Variants in SVEP1 observed in about 807,000 individuals in gnomAD.
SVEP1 encodes sushi, von Willebrand factor type A, EGF and pentraxin domain-containing protein 1.
Under a neutral mutation model 367.3 loss-of-function variants are expected in SVEP1, and 164 were observed. That is an observed-to-expected ratio of 0.45 (90% CI 0.39 to 0.51). SVEP1 has a LOEUF of 0.51. SVEP1 is among the 20% of genes least tolerant of loss of function. SVEP1 has a pLI of 0.00. For missense variants in SVEP1, 4,117 were observed against 4,425.3 expected, an observed-to-expected ratio of 0.93 and a Z score of 1.98; for synonymous variants, 1,666 against 1,611.6, an observed-to-expected ratio of 1.03 and a Z score of -0.81.
At chr9:110,578,364 A>AG (rs200623618) in intron 1 of SVEP1, among the ~76,000 whole-genome samples, 3 of 115,394 alleles carry the variant, frequency 2.6e-5, no homozygotes, top group Non-Finnish European at 3.8e-5. Context: ...ATGAAATTTT[A>AG]GGGTTTTTTT....
intron 12 of SVEP1, 50 bp downstream of exon 12, chr9:110,481,192 T>C: frequency 7.7e-7 from 1 of 1,293,144 alleles, no homozygotes. Flanking sequence ...CTTAGAAATG[T>C]ACACACATTC....
intron 3 of SVEP1, among the ~76,000 whole-genome samples, chr9:110,517,187 T>C (rs1193662533): frequency 6.6e-6 from 1 of 152,166 alleles, no homozygotes; most frequent in African/African-American, 2.4e-5. Context: ...TGTCCAGGCA[T>C]GGTGGCTCAC....
At chr9:110,549,716 A>T (rs2118849833) in intron 2 of SVEP1, 133 bp downstream of exon 2, 7 of 1,153,132 alleles carry the variant, frequency 6.1e-6, no homozygotes, top group Non-Finnish European at 8.5e-6. Context: ...ATGATGCCCA[A>T]AGGACACATG....
At chr9:110,557,611 G>C (rs79760295) in intron 1 of SVEP1, among the ~76,000 whole-genome samples, 12,141 of 151,852 alleles carry the variant, frequency 0.08, 514 homozygotes, top group Non-Finnish European at 0.099. Flanking sequence ...GCCAGATAGA[G>C]TTGTGGATTT....
At chr9:110,383,907 C>T (rs1164845626) in intron 43 of SVEP1, among the ~76,000 whole-genome samples, 1 of 151,924 alleles carries the variant, frequency 6.6e-6, no homozygotes, top group Non-Finnish European at 1.5e-5. Context: ...TGCTGTGCTG[C>T]ACTATGGGGA....
chr9:110,439,003 A>T (rs1015054281), intron 27 of SVEP1, among the ~76,000 whole-genome samples: 1 of 152,144 alleles, frequency 6.6e-6, no homozygotes, highest in African/African-American at 2.4e-5. Context: ...TCCGTTTTTT[A>T]GAATTCTTAC....
At chr9:110,395,273 A>C (rs1196896700) in intron 40 of SVEP1, among the ~76,000 whole-genome samples, 3 of 152,218 alleles carry the variant, frequency 2.0e-5, no homozygotes, top group Non-Finnish European at 4.4e-5. Flanking sequence ...GTGAAGGAGA[A>C]ATAAAATCCT....
intron 3 of SVEP1, among the ~76,000 whole-genome samples, chr9:110,534,373 G>T (rs1830055822): frequency 6.6e-6 from 1 of 152,062 alleles, no homozygotes; most frequent in Non-Finnish European, 1.5e-5. Context: ...CCTTTTCATG[G>T]CTGCATAGTA....
At position 110,572,110 on chromosome 9, in the gene SVEP1, T is replaced by G. The variant is rs944525282; in HGVS notation, c.531+6903A>C. 7.4e-5 allele frequency among the ~76,000 whole-genome samples: 6 copies of G among 81,250 alleles called. No homozygotes were observed. The Admixed American group carries it at 8.7e-4, about 12-fold the overall frequency. 53.3% of individuals were successfully genotyped at this position (81,250 alleles called of 152,430 possible). A position where few individuals can be genotyped will look rare whatever the true frequency, so the allele number is the denominator to read the frequency against. On this transcript the variant is annotated intron_variant, in intron 1 of 47. Coordinates refer to ENST00000374469, the MANE Select transcript of SVEP1 (RefSeq NM_153366.4). ...TACCTCCAAAGGTAATATAGTAAGA[T>G]ATAGGAAAAGAGGGGCACAAAAAGA...
intron 43 of SVEP1, among the ~76,000 whole-genome samples, chr9:110,381,108 T>C (rs1827427635): frequency 6.6e-6 from 1 of 152,060 alleles, no homozygotes; most frequent in Middle Eastern, 3.4e-3. Context: ...TCTTCCCTTT[T>C]TTTAATTAGC....
intron 17 of SVEP1, among the ~76,000 whole-genome samples, chr9:110,467,820 G>A (rs1828961127): frequency 6.6e-6 from 1 of 151,824 alleles, no homozygotes; most frequent in South Asian, 2.1e-4. Flanking sequence ...ATTTTTTGTA[G>A]AGACAGGATT....
In SVEP1 at chr9:110,406,998, C is replaced by T. The variant is rs368295640; in HGVS notation, c.8602G>A (p.Ala2868Thr). 2 of 1,613,960 alleles carry T rather than the reference C, an allele frequency of 1.2e-6. No homozygotes were observed. Among genetic ancestry groups the T allele is most frequent in the Admixed American group, 1.7e-5 (1 of 60,024 alleles). ...TCNEGFLLEG[A>T]RSRVCLANGS... ...TTGGCAAGACAAACCCGACTCCTGG[C>T]TCCCTCAAGCAAGAACCCTTCATTG... is the stretch of plus-strand genomic sequence containing the variant. The change falls in exon 38 of 48, where the codon GCC becomes ACC. Residue 2868 changes from alanine to threonine, a missense_variant. This residue lies in a region of SVEP1 where 1,765 missense variants were observed against 1,781.1 expected (regional missense o/e 0.99). Transcript: ENST00000374469.
At chr9:110,545,714 C>A (rs1235164652) in intron 3 of SVEP1, among the ~76,000 whole-genome samples, 3 of 152,134 alleles carry the variant, frequency 2.0e-5, no homozygotes, top group Non-Finnish European at 4.4e-5. Context: ...CCAAATCTTT[C>A]TCCTCCCAGT....
At chr9:110,385,680 T>TGAATCCTAG in intron 43 of SVEP1, among the ~76,000 whole-genome samples, 1 of 152,152 alleles carries the variant, frequency 6.6e-6, no homozygotes, top group South Asian at 2.1e-4. Flanking sequence ...TGAAAATCTG[T>TGAATCCTAG]TCAGGTGGGT....
intron 27 of SVEP1, among the ~76,000 whole-genome samples, chr9:110,441,830 A>C (rs1588054947): frequency 6.6e-6 from 1 of 152,208 alleles, no homozygotes; most frequent in African/African-American, 2.4e-5. Context: ...TCTGCTCGTG[A>C]CAGAACCACC....
At chr9:110,562,537 A>G (rs1194691528) in intron 1 of SVEP1, among the ~76,000 whole-genome samples, 2 of 152,322 alleles carry the variant, frequency 1.3e-5, no homozygotes, top group East Asian at 1.9e-4. Flanking sequence ...TTTGGACATC[A>G]GTGTATGATT....
At chr9:110,524,374 C>A (rs1829915589) in intron 3 of SVEP1, among the ~76,000 whole-genome samples, 1 of 151,930 alleles carries the variant, frequency 6.6e-6, no homozygotes, top group Non-Finnish European at 1.5e-5. Context: ...AACTGCAGAA[C>A]AACATCTTAG....
chr9:110,432,351 G>C, intron 31 of SVEP1, 111 bp downstream of exon 31: 2 of 1,365,542 alleles, frequency 1.5e-6, no homozygotes, highest in Non-Finnish European at 2.0e-6. Context: ...GAGCTTACTG[G>C]GATGAGATAA....
intron 18 of SVEP1, among the ~76,000 whole-genome samples, chr9:110,463,210 TAACAACAACAAC>T (rs5899900): frequency 6.6e-6 from 1 of 150,700 alleles, no homozygotes. Context: ...GATCATATAT[TAACAACAACAAC>T]AACAACAACA....
Sources: gnomAD v4.1 joint callset for allele counts (sites outside exome capture counted in the v4.1 genomes callset) on GRCh38, gnomAD v4.1.1 for gene constraint, gnomAD v4.1.1 regional missense constraint, MANE v1.5 for transcripts, NCBI Gene and HGNC (gene_info 2026-07-23, HGNC 2026-07-21) for gene names.